The following ARF4 variants were observed in gnomAD, a reference collection of about 807,000 sequenced individuals.
ARF4 encodes ADP-ribosylation factor 4.
Under a neutral mutation model 24.3 loss-of-function variants are expected in ARF4, and 5 were observed. The observed-to-expected ratio is 0.21, with a 90% CI of 0.11 to 0.43. The LOEUF is 0.43. Ranked by LOEUF, ARF4 falls within the 20% of genes least tolerant of loss-of-function variation. The pLI is 1.00. For missense variants in ARF4, 107 were observed against 213.0 expected (o/e 0.50, Z 3.10); for synonymous variants, 62 against 73.5 (o/e 0.84, Z 0.80).
At position 57,596,805 on chromosome 3, in the gene ARF4, G is replaced by C. The variant is rs58575856; in HGVS notation, c.67+269C>G. Reference sequence around the variant, plus strand: ...CCACATCTCTGCCCAATGTTGTCCAGCTTTCAATAAGATCAAGGAGAAAAA... The same window carrying C: ...CCACATCTCTGCCCAATGTTGTCCACCTTTCAATAAGATCAAGGAGAAAAA... On this transcript the variant is annotated intron_variant, in intron 1 of 5. Transcript: ENST00000303436. 3.0e-3 allele frequency: 1,311 copies of C among 440,402 alleles called. 17 individuals are homozygous for C. Among genetic ancestry groups the C allele is most frequent in the African/African-American group, 0.024 (1,157 of 49,146 alleles). 27.3% of individuals were successfully genotyped at this position (440,402 alleles called of 1,614,324 possible). A position where few individuals can be genotyped will look rare whatever the true frequency, so the allele number is the denominator to read the frequency against.
Position 57,577,357 on chromosome 3 carries a change from G to A in ARF4, c.289C>T (p.Arg97Cys). 6.2e-7 allele frequency: 1 copy of A among 1,613,344 alleles called. No homozygotes were observed. The highest frequency in any genetic ancestry group is 2.2e-5 in the East Asian group (1 of 44,732). ...TCTGCTACTTCCTGAATTCTTTCACGATCGTTGCTATCTACCACAAAAATA... is the reference window on the plus strand; with the variant it reads ...TCTGCTACTTCCTGAATTCTTTCACAATCGTTGCTATCTACCACAAAAATA... The part of the protein sequence containing the change: ...GLIFVVDSND[R>C]ERIQEVADEL... Residue 97 changes from arginine (R) to cysteine (C), a missense_variant, in exon 4 of 6, where the codon CGT (arginine) becomes TGT (cysteine). Arg to Cys is a radical substitution (Grantham distance 180). Transcript: ENST00000303436.
chr3:57,585,665 C>CT (rs10651218), intron 1 of ARF4, among the ~76,000 whole-genome samples: 35,499 of 136,788 alleles, frequency 0.26, 7,156 homozygotes, highest in African/African-American at 0.54. Context: ...TATCTAAATT[C>CT]TTTTTTTTTT....
chr3:57,591,938 T>C (rs1026333785), intron 1 of ARF4, among the ~76,000 whole-genome samples: 2 of 152,140 alleles, frequency 1.3e-5, no homozygotes, highest in African/African-American at 4.8e-5. Context: ...GGTATCAGGT[T>C]TCTTTGAGGG....
Position 57,588,344 on chromosome 3 carries a change from C to T in ARF4, c.68-3880G>A, listed in dbSNP as rs1330115923. Among the ~76,000 whole-genome samples the T allele has an allele frequency of 2.6e-5, 4 of 151,606 alleles. 1 individual carries two copies. The highest frequency in any genetic ancestry group is 4.2e-4 in the South Asian group (2 of 4,802). ...CTTTGGGAGGCTGAGGCAGGCGGAT[C>T]GCTTGAGCCCAGGAGTTTGAAACCA... On this transcript the variant is annotated intron_variant, in intron 1 of 5. Coordinates refer to ENST00000303436, the MANE Select transcript of ARF4 (RefSeq NM_001660.4).
intron 3 of ARF4, among the ~76,000 whole-genome samples, chr3:57,581,996 G>C (rs1389481560): frequency 6.6e-6 from 1 of 152,042 alleles, no homozygotes; most frequent in African/African-American, 2.4e-5. Flanking sequence ...ACATAACAAA[G>C]AAAAAACTCC....
At chr3:57,576,504 CTTTT>C (rs376750506) in intron 4 of ARF4, among the ~76,000 whole-genome samples, 7 of 101,612 alleles carry the variant, frequency 6.9e-5, no homozygotes, top group South Asian at 3.3e-4. Context: ...CTCAACCAAG[CTTTT>C]TTTTTTTTTT....
chr3:57,580,044 A>G (rs4682003), intron 3 of ARF4, among the ~76,000 whole-genome samples: 125,950 of 152,086 alleles, frequency 0.83, 52,450 homozygotes, highest in East Asian at 1. Context: ...GACTGAAGCT[A>G]CAGTGAGCCA....
intron 3 of ARF4, 83 bp downstream of exon 3, chr3:57,583,815 C>A (rs1575784407): frequency 2.1e-6 from 2 of 933,836 alleles, no homozygotes; most frequent in East Asian, 2.5e-5. Context: ...ACACCAATAT[C>A]CAAGTAAATA....
intron 1 of ARF4, among the ~76,000 whole-genome samples, chr3:57,588,427 G>A (rs186482907): frequency 6.6e-6 from 1 of 152,292 alleles, no homozygotes; most frequent in African/African-American, 2.4e-5. Flanking sequence ...TAGCTGGGAA[G>A]CTGTGCATGG....
chr3:57,577,451 A>G, intron 3 of ARF4, 64 bp from the exon 4 acceptor site: 1 of 1,328,870 alleles, frequency 7.5e-7, no homozygotes, highest in Non-Finnish European at 1.1e-6. Flanking sequence ...GAAACAGTGT[A>G]GGCAGCAAAA....
intron 1 of ARF4, among the ~76,000 whole-genome samples, chr3:57,593,663 T>G (rs955795123): frequency 3.3e-5 from 5 of 152,226 alleles, no homozygotes; most frequent in Non-Finnish European, 7.3e-5. Context: ...ATTAGTATTT[T>G]TGGATATATA....
At chr3:57,575,314 A>C (rs973670948) in intron 5 of ARF4, among the ~76,000 whole-genome samples, 2 of 151,910 alleles carry the variant, frequency 1.3e-5, no homozygotes, top group Non-Finnish European at 2.9e-5. Context: ...TCAAAAAAAA[A>C]AAAAAAGAAA....
At chr3:57,575,731 G>A in intron 4 of ARF4, 58 bp from the exon 5 acceptor site, 1 of 1,534,910 alleles carries the variant, frequency 6.5e-7, no homozygotes, top group East Asian at 2.3e-5. Context: ...TTTTGAAAAT[G>A]TCTTCCTATA....
Position 57,578,626 on chromosome 3 carries a change from C to T in ARF4, c.259-1239G>A, listed in dbSNP as rs528317014. On this transcript the variant is annotated intron_variant, in intron 3 of 5. Transcript: ENST00000303436. ...TCCCAAGTAGCTGGGACTACAGGTG[C>T]GTGCCACCACACCTAGCTAATTTTT... Among the ~76,000 whole-genome samples the T allele has an allele frequency of 5.3e-5, 8 of 152,018 alleles. No individual in the cohort carries two copies. The South Asian group carries it at 6.2e-4, about 12-fold the overall frequency.
chr3:57,585,134 G>C lies in ARF4; in HGVS notation c.68-670C>G, dbSNP rs1462284191. On this transcript the variant is annotated intron_variant, in intron 1 of 5. Coordinates refer to ENST00000303436, the MANE Select transcript of ARF4 (RefSeq NM_001660.4). Reference sequence around the variant, plus strand: ...CAGCCTGGGCCTGCCAATGTGCTGGGATTACAAGCGTGAGCCACCGTGCCC... The same window carrying C: ...CAGCCTGGGCCTGCCAATGTGCTGGCATTACAAGCGTGAGCCACCGTGCCC... Among the ~76,000 whole-genome samples the C allele has an allele frequency of 4.6e-5, 7 of 152,190 alleles. No homozygotes were observed. The East Asian group carries it at 1.4e-3, about 29-fold the overall frequency.
intron 3 of ARF4, 89 bp from the exon 4 acceptor site, chr3:57,577,476 A>C: frequency 1.0e-6 from 1 of 953,730 alleles, no homozygotes; most frequent in Non-Finnish European, 1.6e-6. Flanking sequence ...ACCAATGGTT[A>C]GACATTAGGA....
intron 5 of ARF4, among the ~76,000 whole-genome samples, chr3:57,573,933 GT>G (rs201397852): frequency 1.4e-5 from 2 of 146,454 alleles, no homozygotes; most frequent in African/African-American, 5.0e-5. Context: ...GCAATAGGTT[GT>G]TTTTTTTTGT....
At chr3:57,587,000 C>CA (rs1278886575) in intron 1 of ARF4, among the ~76,000 whole-genome samples, 6 of 151,956 alleles carry the variant, frequency 3.9e-5, no homozygotes, top group Non-Finnish European at 8.8e-5. Flanking sequence ...ACCGGAGGTC[C>CA]AACTGGACCT....
intron 1 of ARF4, among the ~76,000 whole-genome samples, chr3:57,589,987 A>G (rs1158538003): frequency 6.6e-6 from 1 of 150,560 alleles, no homozygotes; most frequent in Non-Finnish European, 1.5e-5. Flanking sequence ...GCTACTCGGG[A>G]GGCTGAGGCA....
Sources: allele counts gnomAD v4.1 joint callset (sites outside exome capture counted in the v4.1 genomes callset), GRCh38; gene constraint gnomAD v4.1.1; transcripts MANE v1.5; gene names NCBI Gene and HGNC (gene_info 2026-07-23, HGNC 2026-07-21).